The following ARSJ variants were observed in gnomAD, a reference collection of about 807,000 sequenced individuals.
ARSJ encodes the protein arylsulfatase family member J.
Under a neutral mutation model 35.9 loss-of-function variants are expected in ARSJ, and 26 were observed. The observed-to-expected ratio is 0.72, with a 90% CI of 0.53 to 1.00. The LOEUF (loss-of-function observed/expected upper bound fraction) is 1.00. Among genes scored for constraint, ARSJ ranks in the 50% least tolerant of loss-of-function variants. The probability of loss-of-function intolerance (pLI) is 0.00; values close to 1 mark genes in which losing one functional copy is unlikely to be tolerated. For missense variants in ARSJ, 667 were observed against 723.6 expected, an observed-to-expected ratio of 0.92 and a Z score of 0.90; for synonymous variants, 294 against 267.6, an observed-to-expected ratio of 1.10 and a Z score of -0.96.
intron 1 of ARSJ, among the ~76,000 whole-genome samples, chr4:113,928,393 G>T (rs1236022126): frequency 6.6e-6 from 1 of 152,140 alleles, no homozygotes; most frequent in Admixed American, 6.5e-5. Flanking sequence ...ATAAAGTCTG[G>T]AAATTGATTG....
chr4:113,907,504 T>C (rs187217053), intron 1 of ARSJ, among the ~76,000 whole-genome samples: 2 of 145,932 alleles, frequency 1.4e-5, no homozygotes, highest in East Asian at 2.0e-4. Context: ...TCTTACACTT[T>C]AATGAAAGTG....
In ARSJ at chr4:113,905,334, A is replaced by G. The variant is rs144367431; in HGVS notation, c.399-1659T>C. ...AAGCAGCTTTTTTCACAGTGATTTA[A>G]CCTGAAAGGCCAACATGTTATACAT... On this transcript the variant is annotated intron_variant, in intron 1 of 1. Coordinates refer to ENST00000315366, the MANE Select transcript of ARSJ (RefSeq NM_024590.4). 5.0e-3 allele frequency among the ~76,000 whole-genome samples: 768 copies of G among 152,378 alleles called. 9 individuals carry two copies. The highest frequency in any genetic ancestry group is 0.017 in the African/African-American group (702 of 41,594).
At chr4:113,929,759 A>T (rs1296832282) in intron 1 of ARSJ, among the ~76,000 whole-genome samples, 1 of 152,118 alleles carries the variant, frequency 6.6e-6, no homozygotes, top group African/African-American at 2.4e-5. Flanking sequence ...TTCTGAAGCC[A>T]TGGGACAGAA....
chr4:113,906,638 G>C (rs1314251626), intron 1 of ARSJ: 3 of 434,068 alleles, frequency 6.9e-6, no homozygotes, highest in Non-Finnish European at 9.2e-6. Context: ...TGTGGGTTAA[G>C]GGTGTAGGTT....
At chr4:113,905,660 A>ATCT (rs2099668497) in intron 1 of ARSJ, among the ~76,000 whole-genome samples, 2 of 81,850 alleles carry the variant, frequency 2.4e-5, no homozygotes, top group African/African-American at 5.1e-5. Context: ...GTTCTTGATA[A>ATCT]TTTTTTTTTT....
rs757684325 is a variant in ARSJ, at chr4:113,902,372, G to C, written c.1702C>G (p.Gln568Glu). Residue 568 changes from glutamine (Q) to glutamate (E), a missense_variant, in exon 2 of 2, where the codon CAG (glutamine) becomes GAG (glutamate). Gln to Glu is a conservative substitution (Grantham distance 29). Transcript: ENST00000315366. The stretch of plus-strand genomic sequence containing the variant: ...CTTTTCTTTTGCTTTTTCTCAGCCT[G>C]ATTTTTGCTTGGCTTCTTTTTCTTG... ...ETKKKKPSKN[Q>E]AEKKQKKSKK... 2.5e-6 allele frequency: 4 copies of C among 1,613,658 alleles called. No homozygotes were observed. Among genetic ancestry groups the C allele is most frequent in the Non-Finnish European group, 1.7e-6 (2 of 1,179,832 alleles).
intron 1 of ARSJ, among the ~76,000 whole-genome samples, chr4:113,917,052 G>T (rs1191906330): frequency 6.6e-6 from 1 of 151,996 alleles, no homozygotes; most frequent in Non-Finnish European, 1.5e-5. Context: ...TATCATAACA[G>T]GTAAGTTTCC....
In ARSJ at chr4:113,932,156, G is replaced by A. The variant is rs189602448; in HGVS notation, c.399-28481C>T. Among the ~76,000 whole-genome samples, 80 of 152,068 alleles carry A rather than the reference G, an allele frequency of 5.3e-4. 1 individual carries two copies. Among genetic ancestry groups the A allele is most frequent in the African/African-American group, 1.6e-3 (65 of 41,518 alleles). On this transcript the variant is annotated intron_variant, in intron 1 of 1. Coordinates refer to ENST00000315366, the MANE Select transcript of ARSJ (RefSeq NM_024590.4). ...GTAATGATAAAGTGGTCAATTTAGC[G>A]AGACACTACAACAACTATAAATATC...
At chr4:113,957,658 G>A (rs1163913535) in intron 1 of ARSJ, among the ~76,000 whole-genome samples, 1 of 151,986 alleles carries the variant, frequency 6.6e-6, no homozygotes, top group Non-Finnish European at 1.5e-5. Context: ...CATAGTTCAC[G>A]GTGACTGATT....
At chr4:113,972,318 AC>A (rs747476596) in intron 1 of ARSJ, among the ~76,000 whole-genome samples, 2,307 of 145,404 alleles carry the variant, frequency 0.016, 75 homozygotes, top group African/African-American at 0.031. Context: ...AAAAAAAAAA[AC>A]CCCACCATGA....
At chr4:113,933,051 CA>C (rs1004385291) in intron 1 of ARSJ, among the ~76,000 whole-genome samples, 1 of 151,728 alleles carries the variant, frequency 6.6e-6, no homozygotes, top group Non-Finnish European at 1.5e-5. Context: ...CACAGAAATA[CA>C]AAGAATATTT....
At chr4:113,971,445 CTT>C (rs1229456596) in intron 1 of ARSJ, among the ~76,000 whole-genome samples, 2 of 152,106 alleles carry the variant, frequency 1.3e-5, no homozygotes, top group African/African-American at 4.8e-5. Flanking sequence ...TTTAAAGACT[CTT>C]TAAAATTATG....
chr4:113,924,847 G>A (rs560407682), intron 1 of ARSJ, among the ~76,000 whole-genome samples: 10 of 152,230 alleles, frequency 6.6e-5, no homozygotes, highest in South Asian at 2.1e-4. Context: ...TCACATGGTC[G>A]TAGCTGGTAT....
chr4:113,906,740 C>A (rs1440450601), intron 1 of ARSJ: 5 of 456,012 alleles, frequency 1.1e-5, no homozygotes, highest in South Asian at 6.2e-5. Flanking sequence ...TCCTCAGTTT[C>A]CTCATCTGTA....
At chr4:113,963,074 T>A (rs1052466794) in intron 1 of ARSJ, among the ~76,000 whole-genome samples, 1 of 152,026 alleles carries the variant, frequency 6.6e-6, no homozygotes, top group Non-Finnish European at 1.5e-5. Flanking sequence ...TCCGTGACCT[T>A]TGTAATATTG....
rs183098517 is a variant in ARSJ, at chr4:113,910,430, T to G, written c.399-6755A>C. ...TTTAAAGTCCAGAATGGTTAGCGAG[T>G]AAAAAATAGGCCAATAGTGGAGTAG... On this transcript the variant is annotated intron_variant, in intron 1 of 1. Coordinates refer to ENST00000315366, the MANE Select transcript of ARSJ (RefSeq NM_024590.4). Among the ~76,000 whole-genome samples, 79 of 152,182 alleles carry G rather than the reference T, an allele frequency of 5.2e-4. 1 individual carries two copies. Among genetic ancestry groups the G allele is most frequent in the African/African-American group, 1.6e-3 (66 of 41,528 alleles).
chr4:113,953,390 T>A (rs1725980072), intron 1 of ARSJ, among the ~76,000 whole-genome samples: 1 of 152,126 alleles, frequency 6.6e-6, no homozygotes, highest in African/African-American at 2.4e-5. Context: ...TCTGCTTTTT[T>A]AGGACCATGC....
intron 1 of ARSJ, among the ~76,000 whole-genome samples, chr4:113,908,781 G>A (rs76932918): frequency 0.057 from 8,651 of 152,166 alleles, 326 homozygotes; most frequent in East Asian, 0.11. Context: ...AATTAAAGGG[G>A]ATGAGATAAA....
chr4:113,911,285 T>C (rs1408937751), intron 1 of ARSJ, among the ~76,000 whole-genome samples: 3 of 152,150 alleles, frequency 2.0e-5, no homozygotes, highest in African/African-American at 7.2e-5. Flanking sequence ...AATGACAGGG[T>C]GCTGTATTAG....
Sources: allele counts gnomAD v4.1 joint callset (sites outside exome capture counted in the v4.1 genomes callset), GRCh38; gene constraint gnomAD v4.1.1; transcripts MANE v1.5; gene names NCBI Gene and HGNC (gene_info 2026-07-23, HGNC 2026-07-21).